The following PSMD14 variants were observed in gnomAD, a reference collection of about 807,000 sequenced individuals.
PSMD14 encodes the protein ubiquitin C-terminal hydrolase PSMD14.
PSMD14 carries 7 observed loss-of-function variants against 41.2 expected under a neutral mutation model. That is an observed-to-expected ratio of 0.17 (90% confidence interval 0.10 to 0.32). The LOEUF (loss-of-function observed/expected upper bound fraction) is 0.32, where lower values mean the gene tolerates loss of function less well. Among genes scored for constraint, PSMD14 ranks in the 10% least tolerant of loss-of-function variants. The pLI, the probability that PSMD14 is intolerant of heterozygous loss-of-function variation, is 1.00. For synonymous variants in PSMD14, 114 were observed against 122.3 expected (o/e 0.93, Z 0.45); for missense variants, 139 against 375.6 (o/e 0.37, Z 5.21).
intron 3 of PSMD14, among the ~76,000 whole-genome samples, chr2:161,351,107 A>G (rs1436575738): frequency 1.3e-5 from 2 of 152,190 alleles, no homozygotes; most frequent in Admixed American, 6.5e-5. Flanking sequence ...GGCCTCAGTC[A>G]TTTTCAGTTT....
At chr2:161,341,383 C>G in intron 3 of PSMD14, 1 of 862,928 alleles carries the variant, frequency 1.2e-6, no homozygotes, top group South Asian at 5.3e-5. Flanking sequence ...CCGCCGCGCC[C>G]CGTCCTTTGT....
intron 3 of PSMD14, among the ~76,000 whole-genome samples, chr2:161,322,172 C>G (rs900706966): frequency 1.3e-5 from 2 of 152,116 alleles, no homozygotes; most frequent in Non-Finnish European, 2.9e-5. Context: ...AGGATAAAGA[C>G]CAGATTATTA....
intron 3 of PSMD14, chr2:161,341,195 G>A (rs1484109611): frequency 1.8e-5 from 17 of 957,950 alleles, no homozygotes; most frequent in Non-Finnish European, 2.0e-5. Flanking sequence ...CCGGGGGCGC[G>A]GGTTCCGGGG....
chr2:161,389,889 G>GTTTTTTTTTTTTTTTTTTTTTT (rs1162637393), intron 8 of PSMD14, among the ~76,000 whole-genome samples: 10 of 20,044 alleles, frequency 5.0e-4, no homozygotes, highest in Admixed American at 1.4e-3. Flanking sequence ...CTTTTTTGTT[G>GTTTTTTTTTTTTTTTTTTTTTT]TTTTTTTTTT....
intron 3 of PSMD14, among the ~76,000 whole-genome samples, chr2:161,357,045 T>C (rs1030418220): frequency 1.2e-4 from 17 of 147,194 alleles, no homozygotes; most frequent in African/African-American, 4.3e-4. Flanking sequence ...CTTTGAGGCA[T>C]TAGTTTTTAT....
chr2:161,407,630 G>A (rs1294640478), intron 10 of PSMD14: 1 of 152,088 alleles, frequency 6.6e-6, no homozygotes, highest in Non-Finnish European at 1.5e-5. Context: ...GGGAATGTCT[G>A]ATGATTACAT....
Position 161,340,811 on chromosome 2 carries a change from TC to T in PSMD14, c.48+21939del. 4.3e-6 allele frequency: 7 copies of T among 1,613,744 alleles called. No homozygotes were observed. In the South Asian group the frequency reaches 7.7e-5, roughly 18 times the overall value. ...CTTTAGGAGGACGCTAAGGATAACT[TC>T]GTTATTCTTCAGTTCTCTGCTCCTC... On this transcript the variant is annotated intron_variant, in intron 3 of 11. Coordinates refer to ENST00000409682, the MANE Select transcript of PSMD14 (RefSeq NM_005805.6).
In PSMD14 at chr2:161,391,195, A is replaced by G; in HGVS notation, c.645+17A>G. On this transcript the variant is annotated intron_variant, in intron 9 of 11. Coordinates refer to ENST00000409682, the MANE Select transcript of PSMD14 (RefSeq NM_005805.6). ...GAACAGAAGGTAAGTTTAAATTTTT[A>G]TCTTATAGGAGGAAAAAAATCTTTT... The G allele has an allele frequency of 2.7e-6, 4 of 1,493,602 alleles. No individual in the cohort carries two copies. The highest frequency in any genetic ancestry group is 1.8e-6 in the Non-Finnish European group (2 of 1,121,756). The allele number at this position is 1,493,602 out of a possible 1,614,324, so 92.5% of individuals were successfully genotyped here.
At chr2:161,358,599 C>G (rs904813278) in intron 3 of PSMD14, among the ~76,000 whole-genome samples, 1 of 152,162 alleles carries the variant, frequency 6.6e-6, no homozygotes, top group East Asian at 1.9e-4. Context: ...CTCTACATTT[C>G]CCCTCACTGA....
intron 10 of PSMD14, among the ~76,000 whole-genome samples, chr2:161,403,598 C>T (rs1386605117): frequency 1.3e-5 from 2 of 152,138 alleles, no homozygotes; most frequent in Admixed American, 6.5e-5. Flanking sequence ...CCTTTGATGA[C>T]TGACTTCTCA....
intron 3 of PSMD14, among the ~76,000 whole-genome samples, chr2:161,365,593 C>T (rs1383643403): frequency 6.6e-6 from 1 of 152,022 alleles, no homozygotes; most frequent in East Asian, 1.9e-4. Flanking sequence ...CTTCTTTCTC[C>T]ATATGCAATG....
chr2:161,319,320 T>C (rs111421111), intron 3 of PSMD14, among the ~76,000 whole-genome samples: 2 of 151,506 alleles, frequency 1.3e-5, no homozygotes, highest in African/African-American at 4.8e-5. Flanking sequence ...AATTATGATA[T>C]ATAGATGGAT....
At chr2:161,353,707 GTTC>G (rs1559045243) in intron 3 of PSMD14, among the ~76,000 whole-genome samples, 1 of 152,138 alleles carries the variant, frequency 6.6e-6, no homozygotes, top group East Asian at 1.9e-4. Flanking sequence ...TGCAGTTATG[GTTC>G]TTCTCTTTCT....
intron 3 of PSMD14, among the ~76,000 whole-genome samples, chr2:161,362,883 T>C (rs956587040): frequency 6.6e-6 from 1 of 152,232 alleles, no homozygotes; most frequent in Non-Finnish European, 1.5e-5. Context: ...AACTTTTTTT[T>C]AAATTCAAGA....
chr2:161,392,114 C>T (rs1171090179), intron 9 of PSMD14, among the ~76,000 whole-genome samples: 1 of 152,166 alleles, frequency 6.6e-6, no homozygotes, highest in Non-Finnish European at 1.5e-5. Flanking sequence ...CAGTTTTTCT[C>T]TCAACTAATG....
At chr2:161,389,002 G>C (rs1218355964) in intron 8 of PSMD14, among the ~76,000 whole-genome samples, 1 of 152,098 alleles carries the variant, frequency 6.6e-6, no homozygotes, top group African/African-American at 2.4e-5. Context: ...GATATCATTT[G>C]ATTTAAACTT....
intron 10 of PSMD14, among the ~76,000 whole-genome samples, chr2:161,403,554 A>G (rs116101550): frequency 0.012 from 1,895 of 152,218 alleles, 20 homozygotes; most frequent in Non-Finnish European, 0.02. Context: ...TAAAAATGCA[A>G]ATTGGTTCAT....
chr2:161,395,796 TAATAGAAAA>T (rs1248385374), intron 10 of PSMD14, among the ~76,000 whole-genome samples: 1 of 152,224 alleles, frequency 6.6e-6, no homozygotes, highest in East Asian at 1.9e-4. Context: ...ATACAAGTTA[TAATAGAAAA>T]TGGATCCTTG....
At chr2:161,371,081 AATTT>A in intron 6 of PSMD14, 87 bp from the exon 7 acceptor site, 1 of 1,377,970 alleles carries the variant, frequency 7.3e-7, no homozygotes, top group East Asian at 2.4e-5. Context: ...ATCTCTTCTT[AATTT>A]ATACCCCGTT....
Sources: allele counts gnomAD v4.1 joint callset (sites outside exome capture counted in the v4.1 genomes callset), GRCh38; gene constraint gnomAD v4.1.1; transcripts MANE v1.5; gene names NCBI Gene and HGNC (gene_info 2026-07-23, HGNC 2026-07-21).